Variants in FAM78B observed in about 807,000 individuals in gnomAD.
FAM78B encodes the protein family with sequence similarity 78 member B, also known as protein FAM78B.
A neutral mutation model predicts 20.0 loss-of-function variants in FAM78B; 10 were observed. That is an observed-to-expected ratio of 0.50 (90% CI 0.31 to 0.85). FAM78B has a LOEUF of 0.85. FAM78B is among the 40% of genes least tolerant of loss of function. The probability of loss-of-function intolerance (pLI) is 0.05; values close to 1 mark genes in which losing one functional copy is unlikely to be tolerated. For missense variants in FAM78B, 283 were observed against 345.0 expected, an observed-to-expected ratio of 0.82 and a Z score of 1.42; for synonymous variants, 135 against 132.8, an observed-to-expected ratio of 1.02 and a Z score of -0.12.
At chr1:166,130,744 G>A (rs959635379) in intron 1 of FAM78B, among the ~76,000 whole-genome samples, 2 of 152,176 alleles carry the variant, frequency 1.3e-5, no homozygotes, top group Admixed American at 6.5e-5. Flanking sequence ...GAGGTGGATT[G>A]CCCAAGATAG....
intron 1 of FAM78B, among the ~76,000 whole-genome samples, chr1:166,123,988 C>A (rs1654552429): frequency 6.6e-6 from 1 of 152,240 alleles, no homozygotes. Flanking sequence ...GGAGTGGGAT[C>A]TGGGCTGCAG....
intron 1 of FAM78B, among the ~76,000 whole-genome samples, chr1:166,136,955 T>A (rs966152443): frequency 2.0e-5 from 3 of 152,166 alleles, no homozygotes; most frequent in Admixed American, 2.0e-4. Context: ...AACTATCATG[T>A]GAGGTAGGTG....
At chr1:166,125,498 A>G (rs190925821) in intron 1 of FAM78B, among the ~76,000 whole-genome samples, 2 of 152,276 alleles carry the variant, frequency 1.3e-5, no homozygotes, top group Non-Finnish European at 2.9e-5. Context: ...AAATTTATCA[A>G]TGTCAAAGTC....
intron 1 of FAM78B, among the ~76,000 whole-genome samples, chr1:166,110,174 C>T (rs1025207973): frequency 6.6e-5 from 10 of 150,978 alleles, no homozygotes; most frequent in East Asian, 2.0e-4. Context: ...GAATACTGCT[C>T]GGGTGATGGG....
chr1:166,061,621 T>C (rs1571120939), intron 2 of FAM78B, among the ~76,000 whole-genome samples: 1 of 152,294 alleles, frequency 6.6e-6, no homozygotes, highest in South Asian at 2.1e-4. Context: ...ATTACATATA[T>C]AATTGGGGAC....
intron 1 of FAM78B, among the ~76,000 whole-genome samples, chr1:166,093,816 A>G (rs1653168027): frequency 6.6e-6 from 1 of 151,938 alleles, no homozygotes; most frequent in African/African-American, 2.4e-5. Context: ...TGGTAAGGCA[A>G]GCATTGATTT....
intron 1 of FAM78B, among the ~76,000 whole-genome samples, chr1:166,104,461 C>T (rs1367341265): frequency 2.0e-5 from 3 of 152,114 alleles, no homozygotes; most frequent in South Asian, 2.1e-4. Context: ...AACCCCATCA[C>T]CTCAGCCCAA....
chr1:166,136,315 A>G (rs1571195199), intron 1 of FAM78B, among the ~76,000 whole-genome samples: 2 of 152,166 alleles, frequency 1.3e-5, no homozygotes, highest in Non-Finnish European at 2.9e-5. Flanking sequence ...TGCTTTAAAG[A>G]TGACACACTA....
chr1:166,056,628 C>A (rs781298362), downstream of FAM78B, among the ~76,000 whole-genome samples: 12 of 152,170 alleles, frequency 7.9e-5, no homozygotes, highest in Non-Finnish European at 1.6e-4. Context: ...TTAAGATGAC[C>A]TGTTTTGATC....
intron 1 of FAM78B, among the ~76,000 whole-genome samples, chr1:166,139,376 G>A (rs1655193312): frequency 1.3e-5 from 2 of 152,134 alleles, no homozygotes; most frequent in Non-Finnish European, 2.9e-5. Context: ...CATTCAACAG[G>A]CATTGAGAGT....
Position 166,070,573 on chromosome 1 carries a change from C to T in FAM78B, c.454G>A (p.Val152Met). The T allele has an allele frequency of 6.2e-7, 1 of 1,613,822 alleles. No homozygotes were observed. The stretch of plus-strand genomic sequence containing the variant: ...AGCAGTGGCACATTGCTGTCACTCA[C>T]AGGCACTGCCCATGTCACACTGGGG... ...FYPSVTWAVPVSDSNVPLLTR... is the reference protein window; with the variant it reads ...FYPSVTWAVPMSDSNVPLLTR... The change falls in exon 2 of 2, where the codon GTG becomes ATG. Residue 152 changes from valine to methionine, a missense_variant. Val to Met is a conservative substitution (Grantham distance 21). Transcript: ENST00000354422.
intron 1 of FAM78B, among the ~76,000 whole-genome samples, chr1:166,080,035 T>C (rs1443486323): frequency 6.6e-6 from 1 of 152,208 alleles, no homozygotes; most frequent in Admixed American, 6.5e-5. Flanking sequence ...GGTGGGCATC[T>C]TTCTATTTTC....
At chr1:166,109,854 A>ATATGTATGTG (rs1571170804) in intron 1 of FAM78B, among the ~76,000 whole-genome samples, 1 of 15,712 alleles carries the variant, frequency 6.4e-5, no homozygotes, top group East Asian at 3.3e-3. Flanking sequence ...ATATATATAT[A>ATATGTATGTG]TATATATGTA....
intron 1 of FAM78B, among the ~76,000 whole-genome samples, chr1:166,126,626 G>C (rs367699295): frequency 2.6e-5 from 4 of 152,116 alleles, no homozygotes; most frequent in African/African-American, 4.8e-5. Context: ...AAGAGGGCAC[G>C]TGAGGCTGGG....
rs2101766519 is a variant in FAM78B at position 166,119,125 on chromosome 1, G to A, written c.263+46861C>T. The stretch of plus-strand genomic sequence containing the variant: ...AGAGAGAGCTTCTAAGAGCTTTGAA[G>A]ACAAGAACTCATTTGGCTCCCCAAG... On this transcript the variant is annotated intron_variant, in intron 1 of 1. Coordinates refer to ENST00000354422, the MANE Select transcript of FAM78B (RefSeq NM_001017961.5). Among the ~76,000 whole-genome samples, 3 of 152,244 alleles carry A rather than the reference G, an allele frequency of 2.0e-5. No individual in the cohort carries two copies. The South Asian group carries it at 6.2e-4, about 32-fold the overall frequency.
intron 1 of FAM78B, among the ~76,000 whole-genome samples, chr1:166,090,026 G>C (rs1036687918): frequency 6.6e-6 from 1 of 152,144 alleles, no homozygotes; most frequent in African/African-American, 2.4e-5. Flanking sequence ...GGGGAGGATC[G>C]AAAGCCAAAC....
intron 1 of FAM78B, among the ~76,000 whole-genome samples, chr1:166,115,922 G>A (rs1654236472): frequency 1.3e-5 from 2 of 152,176 alleles, no homozygotes; most frequent in Admixed American, 6.5e-5. Flanking sequence ...AAGGTCAAAG[G>A]TGTGAAGGTC....
At chr1:166,091,140 A>G (rs1370562140) in intron 1 of FAM78B, among the ~76,000 whole-genome samples, 1 of 152,180 alleles carries the variant, frequency 6.6e-6, no homozygotes, top group Admixed American at 6.5e-5. Context: ...CAGGAAGGGT[A>G]GAACTACTTG....
intron 1 of FAM78B, chr1:166,087,619 T>A (rs1330023649): frequency 1.3e-5 from 2 of 152,200 alleles, no homozygotes; most frequent in Non-Finnish European, 2.9e-5. Context: ...GTGTTACAAA[T>A]GCAACAACTT....
Sources: gnomAD v4.1 joint callset for allele counts (sites outside exome capture counted in the v4.1 genomes callset) on GRCh38, gnomAD v4.1.1 for gene constraint, MANE v1.5 for transcripts, NCBI Gene and HGNC (gene_info 2026-07-23, HGNC 2026-07-21) for gene names.